WDR7: variants seen among roughly 807,000 people sequenced by gnomAD.
The protein encoded by WDR7 is WD repeat-containing protein 7.
WDR7 carries 46 observed loss-of-function variants against 169.4 expected under a neutral mutation model. That is an observed-to-expected ratio of 0.27 (90% CI 0.21 to 0.35). The LOEUF (loss-of-function observed/expected upper bound fraction) is 0.35. Ranked by LOEUF, WDR7 falls within the 10% of genes least tolerant of loss-of-function variation. The pLI is 1.00. For synonymous variants in WDR7, 612 were observed against 666.8 expected (o/e 0.92, Z 1.27); for missense variants, 1,534 against 1,859.3 (o/e 0.83, Z 3.22).
intron 19 of WDR7, among the ~76,000 whole-genome samples, chr18:56,815,258 G>A (rs2044945281): frequency 1.3e-5 from 2 of 152,236 alleles, no homozygotes; most frequent in South Asian, 4.1e-4. Flanking sequence ...TATCATGATT[G>A]AGAAATACCT....
intron 22 of WDR7, among the ~76,000 whole-genome samples, 198 bp downstream of exon 22, chr18:56,924,306 A>G (rs750640821): frequency 3.7e-4 from 57 of 152,314 alleles, no homozygotes; most frequent in Non-Finnish European, 6.3e-4. Flanking sequence ...ATCGGGATTT[A>G]GCCCTGAGCC....
At chr18:56,956,461 C>T (rs1033125050) in intron 25 of WDR7, among the ~76,000 whole-genome samples, 4 of 152,120 alleles carry the variant, frequency 2.6e-5, no homozygotes, top group African/African-American at 9.7e-5. Context: ...GGGCTGTTGA[C>T]CAATTCTCTG....
chr18:56,842,724 A>G (rs942409014), intron 20 of WDR7, among the ~76,000 whole-genome samples: 2 of 152,200 alleles, frequency 1.3e-5, no homozygotes, highest in Non-Finnish European at 2.9e-5. Flanking sequence ...GATCAATGGC[A>G]AATGCACATA....
At chr18:56,695,320 C>A (rs991188919) in intron 11 of WDR7, 122 bp downstream of exon 11, 11 of 1,281,730 alleles carry the variant, frequency 8.6e-6, no homozygotes, top group Non-Finnish European at 1.1e-5. Flanking sequence ...TGTTGGGGTG[C>A]TATGTAGTTG....
intron 16 of WDR7, among the ~76,000 whole-genome samples, chr18:56,773,837 G>A (rs1051256167): frequency 3.9e-5 from 6 of 152,024 alleles, no homozygotes; most frequent in African/African-American, 9.7e-5. Flanking sequence ...TGTTAAGTAC[G>A]TGGTGGTTAA....
chr18:56,940,686 A>G (rs1396201816), intron 25 of WDR7, among the ~76,000 whole-genome samples: 1 of 152,188 alleles, frequency 6.6e-6, no homozygotes, highest in Admixed American at 6.5e-5. Flanking sequence ...GCGAAAATGT[A>G]CTTTTGCCTG....
At chr18:57,030,806 A>G (rs939093646), downstream of WDR7, 4 of 152,176 alleles carry the variant, frequency 2.6e-5, no homozygotes, top group African/African-American at 4.8e-5. Flanking sequence ...TCGTCAATAC[A>G]TACAAATACC....
At chr18:56,834,391 A>G (rs926893642) in intron 20 of WDR7, among the ~76,000 whole-genome samples, 1 of 152,092 alleles carries the variant, frequency 6.6e-6, no homozygotes, top group African/African-American at 2.4e-5. Context: ...GTTACCTTAG[A>G]ATAGTCTCCC....
chr18:56,924,095 AAAC>A lies in WDR7; in HGVS notation c.3704_3706del (p.Gln1235del). The A allele has an allele frequency of 6.2e-7, 1 of 1,612,300 alleles. No homozygotes were observed. Among genetic ancestry groups the A allele is most frequent in the Non-Finnish European group, 8.5e-7 (1 of 1,179,544 alleles). ...TCTCGAACTTTGTGCCGATGCCGAG[AAAC>A]AACTTGCCAAGTATGTGTGGATTCC... On this transcript the variant is annotated inframe_deletion, in exon 22 of 28. Transcript: ENST00000254442.
intron 20 of WDR7, among the ~76,000 whole-genome samples, chr18:56,820,359 A>AAAAAAAAAACAAAAAC (rs1044771844): frequency 2.0e-4 from 26 of 127,506 alleles, no homozygotes; most frequent in African/African-American, 8.4e-4. Context: ...AAAAAAAAAA[A>AAAAAAAAAACAAAAAC]AAAAACCACC....
intron 12 of WDR7, among the ~76,000 whole-genome samples, chr18:56,710,491 T>C (rs533290760): frequency 1.3e-5 from 2 of 152,320 alleles, no homozygotes; most frequent in African/African-American, 4.8e-5. Flanking sequence ...GCATACCATA[T>C]TTACTTAGCA....
intron 2 of WDR7, 38 bp downstream of exon 2, chr18:56,672,712 A>G (rs1156846515): frequency 1.2e-5 from 18 of 1,527,830 alleles, no homozygotes; most frequent in Non-Finnish European, 1.6e-5. Context: ...TTTTAGATAT[A>G]AAAATCTACT....
intron 21 of WDR7, among the ~76,000 whole-genome samples, chr18:56,900,102 A>G (rs893001156): frequency 2.0e-5 from 3 of 148,438 alleles, no homozygotes; most frequent in African/African-American, 7.4e-5. Context: ...ATATATATAT[A>G]TATATATAAA....
At chr18:57,002,505 C>T (rs1038360849) in intron 26 of WDR7, among the ~76,000 whole-genome samples, 16 of 152,006 alleles carry the variant, frequency 1.1e-4, no homozygotes, top group Non-Finnish European at 1.8e-4. Flanking sequence ...TACTGTTTAT[C>T]GCATCCTACA....
chr18:56,804,655 C>T (rs570875113), intron 19 of WDR7, among the ~76,000 whole-genome samples: 151 of 152,258 alleles, frequency 9.9e-4, no homozygotes, highest in Non-Finnish European at 1.7e-3. Flanking sequence ...ATTGTGTGTA[C>T]TCAGCTTTAT....
At chr18:56,676,519 C>T (rs2025247384) in intron 2 of WDR7, among the ~76,000 whole-genome samples, 1 of 152,004 alleles carries the variant, frequency 6.6e-6, no homozygotes, top group Non-Finnish European at 1.5e-5. Flanking sequence ...GATTTATTTT[C>T]TTGCTTTTTA....
chr18:56,725,706 G>A lies in WDR7; in HGVS notation c.1775-5677G>A, dbSNP rs564533886. 3.9e-5 allele frequency among the ~76,000 whole-genome samples: 6 copies of A among 152,288 alleles called. No homozygotes were observed. The East Asian group carries it at 9.6e-4, about 24-fold the overall frequency. ...GGCTTTTGTTGCCATTGCTTTTGGT[G>A]TTTTAGACATGAAGTCCTTGCCTAT... On this transcript the variant is annotated intron_variant, in intron 13 of 27. Coordinates refer to ENST00000254442, the MANE Select transcript of WDR7 (RefSeq NM_015285.3).
chr18:56,718,448 CAAG>C (rs2026242819), intron 13 of WDR7, among the ~76,000 whole-genome samples: 1 of 152,016 alleles, frequency 6.6e-6, no homozygotes, highest in Non-Finnish European at 1.5e-5. Flanking sequence ...AAACTGTGGA[CAAG>C]AAGAAGAAAT....
At chr18:56,817,599 T>G (rs763295968) in intron 20 of WDR7, among the ~76,000 whole-genome samples, 56 of 152,162 alleles carry the variant, frequency 3.7e-4, no homozygotes, top group Non-Finnish European at 4.9e-4. Flanking sequence ...TTAAATTCTT[T>G]TTAGTGTGTA....
Sources: allele counts gnomAD v4.1 joint callset (sites outside exome capture counted in the v4.1 genomes callset), GRCh38; gene constraint gnomAD v4.1.1; transcripts MANE v1.5; gene names NCBI Gene and HGNC (gene_info 2026-07-23, HGNC 2026-07-21).